Variants in ERBB4 observed in about 807,000 individuals in gnomAD.
ERBB4 encodes erb-b2 receptor tyrosine kinase 4.
In ERBB4, 42 loss-of-function variants were observed where a neutral mutation model predicts 158.0. That is an observed-to-expected ratio of 0.27 (90% CI 0.21 to 0.34). The LOEUF is 0.34. Among genes scored for constraint, ERBB4 ranks in the 10% least tolerant of loss-of-function variants. The pLI is 1.00. For synonymous variants in ERBB4, 583 were observed against 558.7 expected, an observed-to-expected ratio of 1.04 and a Z score of -0.61; for missense variants, 1,333 against 1,624.1, an observed-to-expected ratio of 0.82 and a Z score of 3.08.
At position 211,897,931 on chromosome 2, in the gene ERBB4, A is replaced by T. The variant is rs1037166501; in HGVS notation, c.421+49499T>A. Among the ~76,000 whole-genome samples the T allele has an allele frequency of 1.5e-4, 22 of 150,986 alleles. 1 individual carries two copies. The East Asian group carries it at 1.6e-3, about 11-fold the overall frequency. On this transcript the variant is annotated intron_variant, in intron 3 of 27. Coordinates refer to ENST00000342788, the MANE Select transcript of ERBB4 (RefSeq NM_005235.3). Reference sequence around the variant, plus strand: ...ACAACAGTGCCCGGTTAATATTTAAATTTTTTTTTAATTATAGAGAAGGGG... The same window carrying T: ...ACAACAGTGCCCGGTTAATATTTAATTTTTTTTTTAATTATAGAGAAGGGG...
intron 2 of ERBB4, among the ~76,000 whole-genome samples, chr2:212,045,501 G>GT (rs2077239247): frequency 6.6e-6 from 1 of 152,060 alleles, no homozygotes; most frequent in African/African-American, 2.4e-5. Flanking sequence ...GTAACATTTT[G>GT]TTTTTGGTAA....
intron 1 of ERBB4, among the ~76,000 whole-genome samples, chr2:212,148,725 T>C (rs567323287): frequency 3.6e-4 from 54 of 151,050 alleles, no homozygotes; most frequent in Admixed American, 7.3e-4. Context: ...CGTATGTTTA[T>C]TGCGGCATTA....
chr2:212,235,981 T>C (rs2083856458), intron 1 of ERBB4, among the ~76,000 whole-genome samples: 1 of 152,226 alleles, frequency 6.6e-6, no homozygotes, highest in Non-Finnish European at 1.5e-5. Context: ...CTGATTGCCC[T>C]AGCCAGAACT....
intron 27 of ERBB4, among the ~76,000 whole-genome samples, chr2:211,384,347 G>A (rs2085206178): frequency 6.6e-6 from 1 of 151,958 alleles, no homozygotes; most frequent in Admixed American, 6.6e-5. Flanking sequence ...TCTGCATATG[G>A]GGCTGGTTGT....
At chr2:211,871,842 T>C (rs980213052) in intron 3 of ERBB4, among the ~76,000 whole-genome samples, 2 of 152,018 alleles carry the variant, frequency 1.3e-5, no homozygotes, top group African/African-American at 2.4e-5. Context: ...ATCTAGTAAA[T>C]ATGGATTCAA....
intron 20 of ERBB4, among the ~76,000 whole-genome samples, chr2:211,483,184 AAC>A (rs1254686967): frequency 7.9e-5 from 12 of 152,166 alleles, no homozygotes; most frequent in African/African-American, 2.4e-4. Context: ...CTGAAAAAAT[AAC>A]ACAGAAAATA....
chr2:212,425,881 C>A (rs940946456), intron 1 of ERBB4, among the ~76,000 whole-genome samples: 1 of 151,946 alleles, frequency 6.6e-6, no homozygotes, highest in Non-Finnish European at 1.5e-5. Flanking sequence ...TTGTACCTAT[C>A]CACCTAATGC....
chr2:211,508,291 AC>A (rs1338473006), intron 20 of ERBB4, among the ~76,000 whole-genome samples: 2 of 152,168 alleles, frequency 1.3e-5, no homozygotes, highest in Non-Finnish European at 2.9e-5. Flanking sequence ...CGAGAAAAAA[AC>A]AACCCCATCA....
intron 2 of ERBB4, among the ~76,000 whole-genome samples, chr2:211,953,711 G>A (rs975805771): frequency 4.6e-5 from 7 of 151,900 alleles, no homozygotes; most frequent in South Asian, 2.1e-4. Context: ...AAATACAATC[G>A]GATATTATTA....
At chr2:211,688,889 A>C (rs2072683986) in intron 12 of ERBB4, among the ~76,000 whole-genome samples, 1 of 152,186 alleles carries the variant, frequency 6.6e-6, no homozygotes, top group Non-Finnish European at 1.5e-5. Context: ...CCCTATGCTT[A>C]AATATATTAT....
chr2:211,439,620 A>G (rs2063930677), intron 20 of ERBB4, among the ~76,000 whole-genome samples: 1 of 152,208 alleles, frequency 6.6e-6, no homozygotes, highest in Non-Finnish European at 1.5e-5. Flanking sequence ...TTTGTCGTGC[A>G]CTAGGTATCA....
chr2:211,685,165 G>T (rs1240243628), intron 12 of ERBB4, among the ~76,000 whole-genome samples: 1 of 151,940 alleles, frequency 6.6e-6, no homozygotes, highest in Admixed American at 6.6e-5. Context: ...GTTTTTTATG[G>T]ATTGTTCTTT....
At chr2:212,518,614 G>GAA (rs1268927860) in intron 1 of ERBB4, among the ~76,000 whole-genome samples, 2 of 151,868 alleles carry the variant, frequency 1.3e-5, no homozygotes, top group South Asian at 4.1e-4. Context: ...GCCCCTATTA[G>GAA]AAAAAAATGT....
At chr2:212,458,257 C>T (rs535946844) in intron 1 of ERBB4, among the ~76,000 whole-genome samples, 10 of 151,796 alleles carry the variant, frequency 6.6e-5, no homozygotes, top group Non-Finnish European at 1.5e-4. Flanking sequence ...CAAAGGCAGC[C>T]AAGGGGAAAA....
intron 2 of ERBB4, among the ~76,000 whole-genome samples, chr2:211,954,541 T>C (rs564449690): frequency 9.9e-5 from 15 of 152,202 alleles, no homozygotes; most frequent in African/African-American, 3.6e-4. Context: ...TGCTAATACA[T>C]TTCATCAGGT....
Position 212,016,724 on chromosome 2 carries a change from G to A in ERBB4, c.235-69108C>T, listed in dbSNP as rs1188296778. Among the ~76,000 whole-genome samples, 9 of 152,108 alleles carry A rather than the reference G, an allele frequency of 5.9e-5. No homozygotes were observed. The East Asian group carries it at 1.7e-3, about 29-fold the overall frequency. On this transcript the variant is annotated intron_variant, in intron 2 of 27. Transcript: ENST00000342788. ...GTTAATAAGCTTTTTACATAGTGGT[G>A]TTACCCACATATTAATTACAAATAA... is the stretch of plus-strand genomic sequence containing the variant.
chr2:212,274,079 AAAG>A lies in ERBB4; in HGVS notation c.83-149179_83-149177del, dbSNP rs199809122. On this transcript the variant is annotated intron_variant, in intron 1 of 27. Coordinates refer to ENST00000342788, the MANE Select transcript of ERBB4 (RefSeq NM_005235.3). Reference sequence around the variant, plus strand: ...CTATATTCTTAAAGTAAGCTAGAGAAAAGAAAATGTTATTAAGAAAATCACGAG... The same window carrying A: ...CTATATTCTTAAAGTAAGCTAGAGAAAAAATGTTATTAAGAAAATCACGAG... Among the ~76,000 whole-genome samples the A allele has an allele frequency of 6.0e-3, 907 of 151,972 alleles. 9 individuals are homozygous for A. The highest frequency in any genetic ancestry group is 0.02 in the African/African-American group (823 of 41,516).
At chr2:211,549,212 C>T (rs1417337074) in intron 20 of ERBB4, among the ~76,000 whole-genome samples, 1 of 152,042 alleles carries the variant, frequency 6.6e-6, no homozygotes. Flanking sequence ...TTTTGAAGCA[C>T]CAGCACCCAG....
chr2:211,899,515 C>G (rs1018541104), intron 3 of ERBB4, among the ~76,000 whole-genome samples: 1 of 152,032 alleles, frequency 6.6e-6, no homozygotes, highest in African/African-American at 2.4e-5. Flanking sequence ...AAACCAATCA[C>G]AAAGTAATTT....
Sources: allele counts gnomAD v4.1 joint callset (sites outside exome capture counted in the v4.1 genomes callset), GRCh38; gene constraint gnomAD v4.1.1; transcripts MANE v1.5; gene names NCBI Gene and HGNC (gene_info 2026-07-23, HGNC 2026-07-21).